UBE3C: variants seen among roughly 807,000 people sequenced by gnomAD.
UBE3C encodes the protein ubiquitin protein ligase E3C.
UBE3C carries 42 observed loss-of-function variants against 129.4 expected under a neutral mutation model. The ratio of observed to expected loss-of-function variants is 0.32; its 90% CI spans 0.25 to 0.42. The LOEUF (loss-of-function observed/expected upper bound fraction) is 0.42, where lower values mean the gene tolerates loss of function less well. UBE3C is among the 10% of genes least tolerant of loss of function. The probability of loss-of-function intolerance (pLI) is 1.00; values close to 1 mark genes in which losing one functional copy is unlikely to be tolerated. For synonymous variants in UBE3C, 510 were observed against 492.4 expected, an observed-to-expected ratio of 1.04 and a Z score of -0.47; for missense variants, 1,049 against 1,319.1, an observed-to-expected ratio of 0.80 and a Z score of 3.17.
In UBE3C at chr7:157,149,712, A is replaced by C. The variant is rs539688889; in HGVS notation, c.66+10374A>C. On this transcript the variant is annotated intron_variant, in intron 1 of 22. Transcript: ENST00000348165. ...AAAGGTTGAAAAAATAGATGGTCTC[A>C]TAAGACCATAGAATAGCCTCAAAAG... Among the ~76,000 whole-genome samples, 18 of 152,328 alleles carry C rather than the reference A, an allele frequency of 1.2e-4. 1 individual carries two copies. The highest frequency in any genetic ancestry group is 4.3e-4 in the African/African-American group (18 of 41,580).
intron 13 of UBE3C, 97 bp downstream of exon 13, chr7:157,208,032 C>A (rs1586689127): frequency 5.4e-5 from 10 of 185,872 alleles, no homozygotes; most frequent in East Asian, 2.2e-4. Context: ...AGGTTTGTTT[C>A]AGACATGTTT....
rs147860115 is a variant in UBE3C at position 157,238,886 on chromosome 7, G to A, written c.2481+7559G>A. On this transcript the variant is annotated intron_variant, in intron 18 of 22. Coordinates refer to ENST00000348165, the MANE Select transcript of UBE3C (RefSeq NM_014671.3). ...GAAAACCAGAGAAGTGGGATTTCAG[G>A]TGCCAAATAAAGACAGTGTTTGAAA... Among the ~76,000 whole-genome samples, 4 of 152,296 alleles carry A rather than the reference G, an allele frequency of 2.6e-5. No individual in the cohort carries two copies. The East Asian group carries it at 7.7e-4, about 29-fold the overall frequency.
chr7:157,266,449 A>G (rs1797081776), intron 22 of UBE3C, among the ~76,000 whole-genome samples: 1 of 152,218 alleles, frequency 6.6e-6, no homozygotes, highest in African/African-American at 2.4e-5. Flanking sequence ...GTAATGTCGT[A>G]TGCTTCCCAT....
intron 10 of UBE3C, chr7:157,198,536 T>C (rs1028749472): frequency 6.4e-6 from 2 of 314,744 alleles, no homozygotes; most frequent in South Asian, 6.0e-5. Flanking sequence ...ATTTGTCTTT[T>C]TTTTTTTATT....
intron 18 of UBE3C, among the ~76,000 whole-genome samples, chr7:157,240,776 A>G (rs919318884): frequency 2.4e-4 from 36 of 152,134 alleles, no homozygotes; most frequent in African/African-American, 8.2e-4. Context: ...AGCGGTGGTT[A>G]GAGCTAAGAT....
intron 10 of UBE3C, chr7:157,188,825 G>T (rs1041441185): frequency 4.6e-5 from 19 of 411,966 alleles, no homozygotes; most frequent in African/African-American, 3.4e-4. Context: ...AAAAGTATTT[G>T]AAAGATGATT....
chr7:157,251,735 C>G (rs1378795388), intron 19 of UBE3C, among the ~76,000 whole-genome samples: 1 of 152,180 alleles, frequency 6.6e-6, no homozygotes, highest in Non-Finnish European at 1.5e-5. Context: ...ATATGTCCCT[C>G]AGATCTGAAA....
intron 8 of UBE3C, 51 bp downstream of exon 8, chr7:157,182,379 G>A (rs1808689325): frequency 1.9e-6 from 3 of 1,574,548 alleles, no homozygotes; most frequent in Non-Finnish European, 1.7e-6. Context: ...GGTAGCATTG[G>A]CAGATGAGTC....
intron 9 of UBE3C, 79 bp from the exon 10 acceptor site, chr7:157,186,755 G>A: frequency 6.6e-7 from 1 of 1,512,402 alleles, no homozygotes; most frequent in Non-Finnish European, 9.0e-7. Context: ...AGAAAAATGT[G>A]ATTTCGTATA....
intron 13 of UBE3C, among the ~76,000 whole-genome samples, chr7:157,216,456 G>A (rs577302109): frequency 1.1e-4 from 17 of 151,700 alleles, no homozygotes; most frequent in African/African-American, 3.6e-4. Flanking sequence ...GATCACTCAG[G>A]TATTAAGCTC....
intron 18 of UBE3C, among the ~76,000 whole-genome samples, chr7:157,245,916 G>A (rs1010534216): frequency 2.0e-5 from 3 of 151,384 alleles, no homozygotes; most frequent in African/African-American, 4.9e-5. Context: ...GCTTGAACTC[G>A]GGAGGCGGAG....
intron 2 of UBE3C, among the ~76,000 whole-genome samples, chr7:157,165,937 CTT>C (rs1441803398): frequency 6.6e-6 from 1 of 152,066 alleles, no homozygotes; most frequent in African/African-American, 2.4e-5. Flanking sequence ...AGCTGCTTTT[CTT>C]TTGATGCTTT....
chr7:157,174,893 G>C, intron 4 of UBE3C, 26 bp from the exon 5 acceptor site: 1 of 1,535,380 alleles, frequency 6.5e-7, no homozygotes, highest in Non-Finnish European at 8.8e-7. Context: ...ATTGAGAGTT[G>C]TATATTTTAT....
At chr7:157,212,468 C>T (rs544650697) in intron 13 of UBE3C, among the ~76,000 whole-genome samples, 60 of 152,222 alleles carry the variant, frequency 3.9e-4, no homozygotes, top group South Asian at 1.2e-3. Flanking sequence ...ATAGCTAGTG[C>T]GTAAGAATAT....
intron 19 of UBE3C, among the ~76,000 whole-genome samples, chr7:157,250,260 G>A (rs1796590018): frequency 6.6e-6 from 1 of 152,110 alleles, no homozygotes; most frequent in Non-Finnish European, 1.5e-5. Context: ...CTGTCACCCA[G>A]GCTGGAGGAG....
In UBE3C at chr7:157,178,828, G is replaced by A. The variant is rs1808593128; in HGVS notation, c.597G>A (p.Leu199=). ...SYVVSVIEQI[L]HYMIHNGYYR... ...TGGTGTCAGTGATTGAACAAATTTT[G>A]CACTACATGATTCACAATGGTAAGT... The change falls in exon 6 of 23, where the codon TTG becomes TTA. Residue 199 remains leucine (L), a synonymous_variant. Coordinates refer to ENST00000348165, the MANE Select transcript of UBE3C (RefSeq NM_014671.3). The A allele has an allele frequency of 3.1e-6, 5 of 1,614,008 alleles. No individual in the cohort carries two copies. Among genetic ancestry groups the A allele is most frequent in the Non-Finnish European group, 3.4e-6 (4 of 1,180,016 alleles).
intron 22 of UBE3C, among the ~76,000 whole-genome samples, chr7:157,266,697 T>TA (rs1229428314): frequency 1.3e-5 from 2 of 152,212 alleles, no homozygotes; most frequent in African/African-American, 4.8e-5. Flanking sequence ...TTAACCCGAG[T>TA]AATAGCTTGT....
intron 18 of UBE3C, among the ~76,000 whole-genome samples, chr7:157,244,451 T>C (rs533965325): frequency 6.6e-5 from 10 of 152,382 alleles, no homozygotes; most frequent in African/African-American, 2.4e-4. Context: ...TAATATGATA[T>C]GAAATAATTA....
intron 4 of UBE3C, among the ~76,000 whole-genome samples, chr7:157,173,514 CA>C (rs1808436166): frequency 6.6e-6 from 1 of 152,110 alleles, no homozygotes; most frequent in Admixed American, 6.6e-5. Context: ...TTATTCTATG[CA>C]AAAATCAACA....
Sources: gnomAD v4.1 joint callset for allele counts (sites outside exome capture counted in the v4.1 genomes callset) on GRCh38, gnomAD v4.1.1 for gene constraint, MANE v1.5 for transcripts, NCBI Gene and HGNC (gene_info 2026-07-23, HGNC 2026-07-21) for gene names.